Variants in NPAS3 observed in about 807,000 individuals in gnomAD.
The protein encoded by NPAS3 is neuronal PAS domain protein 3.
NPAS3 carries 14 observed loss-of-function variants against 73.1 expected under a neutral mutation model. The observed-to-expected ratio is 0.19, with a 90% CI of 0.13 to 0.30. NPAS3 has a LOEUF of 0.30. Ranked by LOEUF, NPAS3 falls within the 10% of genes least tolerant of loss-of-function variation. The pLI is 1.00. For missense variants in NPAS3, 1,096 were observed against 1,250.0 expected, an observed-to-expected ratio of 0.88 and a Z score of 1.86; for synonymous variants, 620 against 541.5, an observed-to-expected ratio of 1.14 and a Z score of -2.01.
intron 3 of NPAS3, among the ~76,000 whole-genome samples, chr14:33,271,212 C>T (rs564223972): frequency 1.3e-5 from 2 of 152,318 alleles, no homozygotes; most frequent in East Asian, 3.9e-4. Flanking sequence ...TTCTTGGCCT[C>T]TCTGTGCAGC....
intron 7 of NPAS3, among the ~76,000 whole-genome samples, chr14:33,755,800 T>C (rs1460260555): frequency 6.6e-6 from 1 of 152,116 alleles, no homozygotes. Context: ...CCTGTATCTG[T>C]TCAACTTCTG....
intron 4 of NPAS3, among the ~76,000 whole-genome samples, chr14:33,517,829 A>G (rs557987450): frequency 6.6e-6 from 1 of 152,094 alleles, no homozygotes; most frequent in Admixed American, 6.5e-5. Flanking sequence ...TTTATTTTCC[A>G]TTGACCTTTT....
rs115358855 is a variant in NPAS3 at position 33,220,022 on chromosome 14, T to C, written c.385+4596T>C. Among the ~76,000 whole-genome samples the C allele has an allele frequency of 2.8e-3, 431 of 152,272 alleles. 5 individuals carry two copies. Among genetic ancestry groups the C allele is most frequent in the African/African-American group, 9.8e-3 (407 of 41,554 alleles). ...CATATTCCTCATTACTAAAAAACCA[T>C]GTGAGATGAAAGTTCATAGAATCAG... On this transcript the variant is annotated intron_variant, in intron 3 of 11. Transcript: ENST00000356141.
intron 4 of NPAS3, among the ~76,000 whole-genome samples, chr14:33,490,688 G>A (rs1369218252): frequency 6.6e-6 from 1 of 152,170 alleles, no homozygotes; most frequent in Non-Finnish European, 1.5e-5. Flanking sequence ...GAGAGGCACA[G>A]TGGCACACAC....
intron 2 of NPAS3, 23 bp downstream of exon 2, chr14:33,056,017 C>G: frequency 1.2e-6 from 1 of 804,408 alleles, no homozygotes; most frequent in South Asian, 1.4e-5. Context: ...CTTTGTGAGT[C>G]TTCCTTCTGG....
chr14:33,578,440 C>T (rs1037676132), intron 5 of NPAS3: 7 of 344,402 alleles, frequency 2.0e-5, no homozygotes, highest in South Asian at 8.9e-5. Flanking sequence ...GTGATCTGCC[C>T]GCCTCAGCCT....
intron 3 of NPAS3, among the ~76,000 whole-genome samples, chr14:33,218,350 C>A (rs1029066206): frequency 6.6e-5 from 10 of 152,146 alleles, no homozygotes; most frequent in Non-Finnish European, 8.8e-5. Context: ...ATAAGGAGCA[C>A]TTTCTATAAA....
chr14:32,938,458 AGAGAGAGAGAGAGAGAGAGAGAGAAATT>A (rs1566779089), upstream of NPAS3, among the ~76,000 whole-genome samples: 2 of 80,158 alleles, frequency 2.5e-5, no homozygotes, highest in South Asian at 4.3e-4. Flanking sequence ...CCAACGAGAA[AGAGAGAGAGAGAGAGAGAGAGAGAAATT>A]GAGAGAGAGA....
chr14:33,030,072 A>G (rs914041546), intron 1 of NPAS3, among the ~76,000 whole-genome samples: 4 of 152,232 alleles, frequency 2.6e-5, no homozygotes, highest in Non-Finnish European at 5.9e-5. Flanking sequence ...AGCTTTAAAA[A>G]TATGCATATT....
At chr14:33,113,919 G>A (rs2042978157) in intron 2 of NPAS3, among the ~76,000 whole-genome samples, 1 of 152,188 alleles carries the variant, frequency 6.6e-6, no homozygotes, top group Non-Finnish European at 1.5e-5. Flanking sequence ...CATCTATTGA[G>A]ATAATCATGT....
chr14:33,435,369 T>A (rs2139194925), intron 4 of NPAS3, among the ~76,000 whole-genome samples: 1 of 152,350 alleles, frequency 6.6e-6, no homozygotes, highest in Middle Eastern at 3.4e-3. Context: ...AAAATCATGT[T>A]GCTGTCATTT....
Position 33,800,490 on chromosome 14 carries a change from A to G in NPAS3, c.2183A>G (p.Lys728Arg). The G allele has an allele frequency of 6.8e-7, 1 of 1,475,790 alleles. No individual in the cohort carries two copies. Among genetic ancestry groups the G allele is most frequent in the Non-Finnish European group, 8.9e-7 (1 of 1,120,106 alleles). 91.4% of individuals were successfully genotyped at this position (1,475,790 alleles called of 1,614,324 possible). ...GGCGCCGACGGCGCGGCCGCCCGCA[A>G]GACTCAGTTCGGCGCCTCGGCCACC... Residue 728 changes from lysine to arginine, a missense_variant, in exon 12 of 12, where the codon AAG (lysine) becomes AGG (arginine). Around this residue, in one of 5 missense-constraint regions of NPAS3, gnomAD observed 698 missense variants for 676.7 expected, o/e 1.03. Coordinates refer to ENST00000356141, the Ensembl canonical transcript of NPAS3. The surrounding 1 kb of genome is among the most constrained non-coding windows in gnomAD (Gnocchi z 6.5).
rs1396503148 is a variant in NPAS3 at position 33,388,072 on chromosome 14, T to TTAC, written c.468+20805_468+20806insACT. Among the ~76,000 whole-genome samples, 58 of 152,196 alleles carry TTAC rather than the reference T, an allele frequency of 3.8e-4. 1 individual carries two copies. The highest frequency in any genetic ancestry group is 9.9e-4 in the African/African-American group (41 of 41,538). ...GTAGGACCTTCACTGGTGAATGTGG[T>TTAC]TTTACCAAGTAAAGATGGATAGACA... On this transcript the variant is annotated intron_variant, in intron 4 of 11. Coordinates refer to ENST00000356141, the Ensembl canonical transcript of NPAS3.
intron 9 of NPAS3, among the ~76,000 whole-genome samples, chr14:33,785,671 TA>T (rs1406490458): frequency 6.6e-6 from 1 of 152,138 alleles, no homozygotes; most frequent in Non-Finnish European, 1.5e-5. Context: ...TGTATGTGTC[TA>T]ACATGCAACA....
chr14:32,945,900 C>T (rs2036229740), intron 1 of NPAS3, among the ~76,000 whole-genome samples: 1 of 152,172 alleles, frequency 6.6e-6, no homozygotes. Flanking sequence ...ATCAGTTTGC[C>T]ACGTACATCT....
At chr14:33,493,886 G>A (rs571235588) in intron 4 of NPAS3, among the ~76,000 whole-genome samples, 13 of 152,206 alleles carry the variant, frequency 8.5e-5, no homozygotes, top group Admixed American at 2.6e-4. Context: ...AGTCTTTAGC[G>A]GGGATTGTTG....
At chr14:33,755,693 C>T (rs971212145) in intron 7 of NPAS3, among the ~76,000 whole-genome samples, 30 of 152,032 alleles carry the variant, frequency 2.0e-4, no homozygotes, top group Non-Finnish European at 1.5e-5. Context: ...TTAGGCCATT[C>T]TATGTTGCTA....
At chr14:32,962,530 T>TG (rs1331760015) in intron 1 of NPAS3, among the ~76,000 whole-genome samples, 4 of 151,446 alleles carry the variant, frequency 2.6e-5, no homozygotes, top group South Asian at 2.1e-4. Flanking sequence ...CACAAATCTT[T>TG]GGGGGGTAGC....
At chr14:33,138,482 G>T (rs1243602883) in intron 2 of NPAS3, among the ~76,000 whole-genome samples, 1 of 152,066 alleles carries the variant, frequency 6.6e-6, no homozygotes, top group Non-Finnish European at 1.5e-5. Flanking sequence ...TACTTGAAAA[G>T]ATTCATTGGT....
Sources: gnomAD v4.1 joint callset for allele counts (sites outside exome capture counted in the v4.1 genomes callset) on GRCh38, gnomAD v4.1.1 for gene constraint, gnomAD v4.1.1 regional missense constraint, Gnocchi (gnomAD v3.1) non-coding constraint, MANE v1.5 for transcripts, NCBI Gene and HGNC (gene_info 2026-07-23, HGNC 2026-07-21) for gene names.